Variants in SALL4 observed in about 807,000 individuals in gnomAD.
SALL4 encodes the protein spalt like transcription factor 4.
SALL4 carries 4 observed loss-of-function variants against 60.8 expected under a neutral mutation model. The observed-to-expected ratio is 0.07, with a 90% CI of 0.03 to 0.15. SALL4 has a LOEUF of 0.15. Among genes scored for constraint, SALL4 ranks in the 10% least tolerant of loss-of-function variants. The pLI is 1.00. For missense variants in SALL4, 1,178 were observed against 1,394.7 expected (o/e 0.84, Z 2.48); for synonymous variants, 580 against 574.9 (o/e 1.01, Z -0.13).
At position 51,783,740 on chromosome 20, in the gene SALL4, G is replaced by A. The variant is rs751588515; in HGVS notation, c.*525C>T. 9.4e-5 allele frequency: 14 copies of A among 148,466 alleles called. No homozygotes were observed. The highest frequency in any genetic ancestry group is 7.2e-3 in the Middle Eastern group (2 of 276). The allele number at this position is 148,466 out of a possible 1,614,324, so 9.2% of individuals were successfully genotyped here. A position where few individuals can be genotyped will look rare whatever the true frequency, so the allele number is the denominator to read the frequency against. On this transcript the variant is annotated 3_prime_UTR_variant, in exon 4 of 4. Transcript: ENST00000217086. Reference sequence around the variant, plus strand: ...CCAAAATTAGAAAAAAAAAAAAAAAGTGCCAGGCGTGGTAGCTCATGCCTG... The same window carrying A: ...CCAAAATTAGAAAAAAAAAAAAAAAATGCCAGGCGTGGTAGCTCATGCCTG...
chr20:51,795,649 G>T (rs2078074951), intron 1 of SALL4, among the ~76,000 whole-genome samples: 1 of 152,160 alleles, frequency 6.6e-6, no homozygotes, highest in Non-Finnish European at 1.5e-5. Flanking sequence ...TGTTAGGGAA[G>T]GAAATACACG....
In SALL4 at chr20:51,788,734, A is replaced by C; in HGVS notation, c.2742+127T>G. The C allele has an allele frequency of 8.6e-7, 1 of 1,159,344 alleles. No individual in the cohort carries two copies. The allele number at this position is 1,159,344 out of a possible 1,614,324, so 71.8% of individuals were successfully genotyped here. ...AATAAATAAACAAACTCCTGGACTC[A>C]AGCAATCCTCCCACCTCGGCCTCCC... is the stretch of plus-strand genomic sequence containing the variant. On this transcript the variant is annotated intron_variant, in intron 3 of 3. Transcript: ENST00000217086. The surrounding 1 kb of genome is among the most constrained non-coding windows in gnomAD (Gnocchi z 4.1).
chr20:51,799,328 C>T (rs893350489), intron 1 of SALL4, among the ~76,000 whole-genome samples: 1 of 152,208 alleles, frequency 6.6e-6, no homozygotes, highest in African/African-American at 2.4e-5. Flanking sequence ...CAAGGTTACA[C>T]AGCTGAAAGT....
rs1353324726 is a variant in SALL4, at chr20:51,784,063, T to C, written c.*202A>G. On this transcript the variant is annotated 3_prime_UTR_variant, in exon 4 of 4. Transcript: ENST00000217086. ...TTTGTTTTGGTATGCATTTTTTTTT[T>C]ATTTTTTCAACTTTTTGCAAAGCAG... 5 of 628,024 alleles carry C rather than the reference T, an allele frequency of 8.0e-6. No homozygotes were observed. Among genetic ancestry groups the C allele is most frequent in the African/African-American group, 5.5e-5 (3 of 54,258 alleles). 38.9% of individuals were successfully genotyped at this position (628,024 alleles called of 1,614,324 possible).
intron 1 of SALL4, among the ~76,000 whole-genome samples, chr20:51,798,768 G>T (rs1033194743): frequency 6.6e-6 from 1 of 151,762 alleles, no homozygotes; most frequent in Non-Finnish European, 1.5e-5. Context: ...ACCAATCACG[G>T]CTCCCTTGTC....
rs1266185025 is a variant in SALL4 at position 51,802,323 on chromosome 20, T to C, written c.86A>G (p.Glu29Gly). Residue 29 changes from glutamate to glycine, a missense_variant, in exon 1 of 4, where the codon GAG (glutamate) becomes GGG (glycine). Physicochemically the swap from Glu to Gly is moderately conservative, Grantham distance 98 (BLOSUM62 -2). Transcript: ENST00000217086. Reference protein sequence around the residue: ...GEQQPQQQTPEFADAAPAAPA... With the variant: ...GEQQPQQQTPGFADAAPAAPA... Reference sequence around the variant, plus strand: ...CGCCGCTGGGGCCGCATCTGCAAACTCCGGGGTCTGCTGCTGCGGCTGCTG... The same window carrying C: ...CGCCGCTGGGGCCGCATCTGCAAACCCCGGGGTCTGCTGCTGCGGCTGCTG... 2 of 1,610,452 alleles carry C rather than the reference T, an allele frequency of 1.2e-6. No individual in the cohort carries two copies. Among genetic ancestry groups the C allele is most frequent in the African/African-American group, 1.3e-5 (1 of 74,788 alleles).
rs1013208774 is a variant in SALL4 at position 51,791,519 on chromosome 20, C to G, written c.964G>C (p.Val322Leu). 14 of 1,613,870 alleles carry G rather than the reference C, an allele frequency of 8.7e-6. No individual in the cohort carries two copies. The highest frequency in any genetic ancestry group is 1.2e-5 in the Non-Finnish European group (14 of 1,180,036). ...PFTLKPDGTRVLPNVMSRLPS... is the reference protein window; with the variant it reads ...PFTLKPDGTRLLPNVMSRLPS... ...AGGCGGGACATGACGTTCGGGAGCA[C>G]CCGGGTCCCATCCGGCTTCAGAGTG... The change falls in exon 2 of 4, where the codon GTG (valine) becomes CTG (leucine). Residue 322 changes from valine (V) to leucine (L), a missense_variant. Coordinates refer to ENST00000217086, the MANE Select transcript of SALL4 (RefSeq NM_020436.5). This position sits in a 1 kb window ranked among gnomAD's most constrained non-coding sequence, Gnocchi z 4.6.
Position 51,788,323 on chromosome 20 carries a change from TTGTGTGTGTGTG to T in SALL4, c.2742+526_2742+537del, listed in dbSNP as rs3030173. ...GCATGCAACACCATGCCCAACTAAT[TTGTGTGTGTGTG>T]TGTGTGTGTGTGTGTGTGTGTGTAA... On this transcript the variant is annotated intron_variant, in intron 3 of 3. Transcript: ENST00000217086. The surrounding 1 kb of genome is among the most constrained non-coding windows in gnomAD (Gnocchi z 4.1). Among the ~76,000 whole-genome samples the T allele has an allele frequency of 4.2e-5, 6 of 141,936 alleles. No individual in the cohort carries two copies. Among genetic ancestry groups the T allele is most frequent in the East Asian group, 2.2e-4 (1 of 4,588 alleles). The allele number at this position is 141,936 out of a possible 152,430, so 93.1% of individuals were successfully genotyped here.
intron 1 of SALL4, among the ~76,000 whole-genome samples, chr20:51,793,727 C>G (rs2078063583): frequency 1.3e-5 from 2 of 152,236 alleles, no homozygotes; most frequent in Admixed American, 1.3e-4. Flanking sequence ...CCGTGCCCAG[C>G]CAAAGCCACG....
In SALL4 at chr20:51,789,092, G is replaced by C. The variant is rs1202944659; in HGVS notation, c.2511C>G (p.Val837=). 6.2e-7 allele frequency: 1 copy of C among 1,614,192 alleles called. No homozygotes were observed. The highest frequency in any genetic ancestry group is 8.5e-7 in the Non-Finnish European group (1 of 1,180,028). Residue 837 remains valine, a synonymous_variant, in exon 3 of 4, where the codon GTC becomes GTG. Transcript: ENST00000217086. ...STFIRAPPTY[V]KVEVPGTFVG... ...CAAATGTGCCAGGAACTTCAACCTT[G>C]ACATAGGTCGGCGGGGCTCGGATAA...
chr20:51,786,768 A>T (rs2077995584), intron 3 of SALL4, among the ~76,000 whole-genome samples: 1 of 152,232 alleles, frequency 6.6e-6, no homozygotes, highest in Non-Finnish European at 1.5e-5. Context: ...TCCAGTGAAA[A>T]TCTATACTTA....
rs1185315176 is a variant in SALL4 at position 51,788,614 on chromosome 20, C to T, written c.2742+247G>A. Among the ~76,000 whole-genome samples, 3 of 152,106 alleles carry T rather than the reference C, an allele frequency of 2.0e-5. No homozygotes were observed. Among genetic ancestry groups the T allele is most frequent in the Admixed American group, 6.6e-5 (1 of 15,252 alleles). The stretch of plus-strand genomic sequence containing the variant: ...GCTGAGGCAGGAGAATGGCATGAAC[C>T]CGGGAGGAGGAGCTTGCAGTGAGCT... On this transcript the variant is annotated intron_variant, in intron 3 of 3. Coordinates refer to ENST00000217086, the MANE Select transcript of SALL4 (RefSeq NM_020436.5). This position sits in a 1 kb window ranked among gnomAD's most constrained non-coding sequence, Gnocchi z 4.1.
In SALL4 at chr20:51,790,512, G is replaced by T. The variant is rs145851373; in HGVS notation, c.1971C>A (p.Pro657=). 6.2e-7 allele frequency: 1 copy of T among 1,614,008 alleles called. No individual in the cohort carries two copies. Among genetic ancestry groups the T allele is most frequent in the East Asian group, 2.2e-5 (1 of 44,888 alleles). Residue 657 remains proline, a synonymous_variant, in exon 2 of 4, where the codon CCC becomes CCA. Coordinates refer to ENST00000217086, the MANE Select transcript of SALL4 (RefSeq NM_020436.5). This position sits in a 1 kb window ranked among gnomAD's most constrained non-coding sequence, Gnocchi z 5.5. The stretch of plus-strand genomic sequence containing the variant: ...TAAAGTCACAGGGATTCTCTGGCAG[G>T]GGCGTGTTGGGAATCTGACCGCCCA... ...MHMGGQIPNT[P]LPENPCDFTG...
In SALL4 at chr20:51,802,507, C is replaced by A; in HGVS notation, c.-99G>T. 1 of 1,552,214 alleles carries A rather than the reference C, an allele frequency of 6.4e-7. No individual in the cohort carries two copies. On this transcript the variant is annotated 5_prime_UTR_variant, in exon 1 of 4. It removes an upstream start codon present in the reference 5' UTR. Coordinates refer to ENST00000217086, the MANE Select transcript of SALL4 (RefSeq NM_020436.5). ...TTTACCCCCCTTCGGCCGGAACGCG[C>A]ATGTCCCAGTAATTATTATTATCAA...
intron 3 of SALL4, among the ~76,000 whole-genome samples, chr20:51,786,971 T>A (rs1229970491): frequency 6.6e-6 from 1 of 152,094 alleles, no homozygotes; most frequent in African/African-American, 2.4e-5. Flanking sequence ...GGCACACGCC[T>A]GAAGTCCCAG....
rs1159884132 is a variant in SALL4 at position 51,782,570 on chromosome 20, A to C, written c.*1695T>G. On this transcript the variant is annotated 3_prime_UTR_variant, in exon 4 of 4. Coordinates refer to ENST00000217086, the MANE Select transcript of SALL4 (RefSeq NM_020436.5). ...CTTGGCAAAAAAAAAAAAAAAAAAA[A>C]AAAAGGGGGGCGGAATCCTAAAGTC... 6.6e-6 allele frequency: 1 copy of C among 151,162 alleles called. No individual in the cohort carries two copies. Among genetic ancestry groups the C allele is most frequent in the Admixed American group, 6.6e-5 (1 of 15,140 alleles). 9.4% of individuals were successfully genotyped at this position (151,162 alleles called of 1,614,324 possible). A position where few individuals can be genotyped will look rare whatever the true frequency, so the allele number is the denominator to read the frequency against.
chr20:51,794,324 T>A (rs905123591), intron 1 of SALL4, among the ~76,000 whole-genome samples: 1 of 152,210 alleles, frequency 6.6e-6, no homozygotes, highest in African/African-American at 2.4e-5. Flanking sequence ...ACACCTGTGA[T>A]CCCAGCACTT....
intron 3 of SALL4, among the ~76,000 whole-genome samples, chr20:51,787,972 C>G (rs1330577775): frequency 6.6e-6 from 1 of 151,676 alleles, no homozygotes; most frequent in Non-Finnish European, 1.5e-5. Context: ...CAGGCGCATG[C>G]CACCACGCCC....
intron 2 of SALL4, 88 bp from the exon 3 acceptor site, chr20:51,789,229 T>C: frequency 2.0e-6 from 3 of 1,479,198 alleles, no homozygotes; most frequent in Non-Finnish European, 2.8e-6. Context: ...TAAAAATAAC[T>C]GCCTGCTAGT....
Sources: allele counts gnomAD v4.1 joint callset (sites outside exome capture counted in the v4.1 genomes callset), GRCh38; gene constraint gnomAD v4.1.1; non-coding constraint Gnocchi (gnomAD v3.1); transcripts MANE v1.5; gene names NCBI Gene and HGNC (gene_info 2026-07-23, HGNC 2026-07-21).